The following SOX6 variants were observed in gnomAD, a reference collection of about 807,000 sequenced individuals.
SOX6 encodes the protein SRY-box transcription factor 6.
In SOX6, 11 loss-of-function variants were observed where a neutral mutation model predicts 97.8. The ratio of observed to expected loss-of-function variants is 0.11; its 90% CI spans 0.07 to 0.19. SOX6 has a LOEUF of 0.19. Ranked by LOEUF, SOX6 falls within the 10% of genes least tolerant of loss-of-function variation. SOX6 has a pLI of 1.00. For synonymous variants in SOX6, 360 were observed against 371.4 expected (o/e 0.97, Z 0.35); for missense variants, 810 against 1,039.5 (o/e 0.78, Z 3.04).
At chr11:16,530,834 G>A (rs1049365728) in intron 4 of SOX6, among the ~76,000 whole-genome samples, 4 of 151,328 alleles carry the variant, frequency 2.6e-5, no homozygotes, top group African/African-American at 7.3e-5. Context: ...ATCACAACAC[G>A]GATAGCCTGA....
chr11:16,407,596 G>A (rs1373195945), intron 1 of SOX6, among the ~76,000 whole-genome samples: 1 of 151,978 alleles, frequency 6.6e-6, no homozygotes, highest in Non-Finnish European at 1.5e-5. Context: ...GTGATTACCG[G>A]GCAGAATTCC....
intron 3 of SOX6, among the ~76,000 whole-genome samples, chr11:16,673,204 G>C (rs1564865486): frequency 6.6e-6 from 1 of 151,990 alleles, no homozygotes; most frequent in African/African-American, 2.4e-5. Flanking sequence ...GTGTCTTAAA[G>C]AATTAGAAAA....
intron 4 of SOX6, among the ~76,000 whole-genome samples, chr11:16,191,364 G>C (rs1851626297): frequency 6.6e-6 from 1 of 152,130 alleles, no homozygotes; most frequent in African/African-American, 2.4e-5. Flanking sequence ...AGAAGGCTGA[G>C]GCAGGAGCAT....
intron 3 of SOX6, among the ~76,000 whole-genome samples, chr11:16,637,581 G>T (rs67078773): frequency 0.16 from 24,614 of 152,106 alleles, 2,108 homozygotes; most frequent in Non-Finnish European, 0.18. Context: ...GCTTTAGTTA[G>T]ATCCCAAAAA....
chr11:15,979,039 T>TATATATAAAA (rs1853585683), intron 15 of SOX6, among the ~76,000 whole-genome samples: 1 of 64,014 alleles, frequency 1.6e-5, no homozygotes, highest in Non-Finnish European at 3.2e-5. Context: ...TATATATATT[T>TATATATAAAA]TACATATATA....
At chr11:16,230,201 A>G (rs1852806974) in intron 4 of SOX6, among the ~76,000 whole-genome samples, 1 of 151,852 alleles carries the variant, frequency 6.6e-6, no homozygotes, top group Non-Finnish European at 1.5e-5. Flanking sequence ...AGTCAATAGA[A>G]TATTTAATAT....
At chr11:15,980,770 G>A (rs1423304223) in intron 15 of SOX6, among the ~76,000 whole-genome samples, 2 of 151,932 alleles carry the variant, frequency 1.3e-5, no homozygotes, top group Non-Finnish European at 1.5e-5. Flanking sequence ...TGGCCATAAT[G>A]CATAATAATC....
intron 1 of SOX6, among the ~76,000 whole-genome samples, chr11:16,473,041 A>G (rs919914661): frequency 5.3e-5 from 8 of 152,198 alleles, no homozygotes; most frequent in Non-Finnish European, 1.2e-4. Context: ...TAGCACTTCT[A>G]TATAATATAT....
intron 6 of SOX6, among the ~76,000 whole-genome samples, chr11:16,148,321 T>G (rs941451084): frequency 1.3e-4 from 20 of 152,152 alleles, no homozygotes; most frequent in Admixed American, 5.2e-4. Context: ...AGCTGTTGTC[T>G]TCACAATTGC....
At chr11:16,651,837 A>G (rs3921675) in intron 3 of SOX6, among the ~76,000 whole-genome samples, 29,374 of 152,058 alleles carry the variant, frequency 0.19, 3,009 homozygotes, top group African/African-American at 0.24. Flanking sequence ...TCACACTGTC[A>G]CTGTTCACAG....
intron 4 of SOX6, among the ~76,000 whole-genome samples, chr11:16,489,497 T>C (rs548037407): frequency 6.6e-6 from 1 of 152,276 alleles, no homozygotes; most frequent in East Asian, 1.9e-4. Flanking sequence ...ATGTATCTAC[T>C]GTATTATATA....
chr11:16,563,190 A>G (rs375072799), intron 4 of SOX6, among the ~76,000 whole-genome samples: 1 of 152,196 alleles, frequency 6.6e-6, no homozygotes, highest in Non-Finnish European at 1.5e-5. Flanking sequence ...CAAATGAAGG[A>G]AATAGCCTCA....
At chr11:16,432,356 T>A (rs1859287180) in intron 1 of SOX6, among the ~76,000 whole-genome samples, 1 of 152,122 alleles carries the variant, frequency 6.6e-6, no homozygotes, top group South Asian at 2.1e-4. Context: ...CAGTCAAAAG[T>A]GTAACTATCT....
In SOX6 at chr11:16,675,114, A is replaced by T. The variant is rs148813461; in HGVS notation, n.429+39716T>A. Among the ~76,000 whole-genome samples, 50 of 152,370 alleles carry T rather than the reference A, an allele frequency of 3.3e-4. No homozygotes were observed. In the East Asian group the frequency reaches 9.2e-3, roughly 28 times the overall value. ...GATACAAAATCAACATACAAAAATCAGTAGCATTTCTATATGCCAACAGTG... is the reference window on the plus strand; with the variant it reads ...GATACAAAATCAACATACAAAAATCTGTAGCATTTCTATATGCCAACAGTG... On this transcript the variant is annotated intron_variant and non_coding_transcript_variant, in intron 3 of 5. Transcript: ENST00000524520.
rs908554674 is a variant in SOX6 at position 16,605,044 on chromosome 11, G to A, written n.609+7037C>T. On this transcript the variant is annotated intron_variant and non_coding_transcript_variant, in intron 4 of 5. Transcript: ENST00000524520. This position sits in a 1 kb window ranked among gnomAD's most constrained non-coding sequence, Gnocchi z 5.3. ...CTTCTCTGCCCGGCCCTTTAAGGGAGAAGGAAGAAAGCAGCTCCCGCGGGA... is the reference window on the plus strand; with the variant it reads ...CTTCTCTGCCCGGCCCTTTAAGGGAAAAGGAAGAAAGCAGCTCCCGCGGGA... Among the ~76,000 whole-genome samples the A allele has an allele frequency of 6.6e-6, 1 of 152,068 alleles. No individual in the cohort carries two copies. The highest frequency in any genetic ancestry group is 2.4e-5 in the African/African-American group (1 of 41,438).
intron 12 of SOX6, among the ~76,000 whole-genome samples, chr11:16,026,832 T>C (rs1271499886): frequency 6.6e-6 from 1 of 151,412 alleles, no homozygotes; most frequent in Non-Finnish European, 1.5e-5. Context: ...TCATACAAAC[T>C]AAAAAAAAAT....
At chr11:16,480,264 T>A (rs1469676492), upstream of SOX6, among the ~76,000 whole-genome samples, 2 of 152,174 alleles carry the variant, frequency 1.3e-5, no homozygotes, top group Admixed American at 1.3e-4. Flanking sequence ...TTTTTATACT[T>A]AGCATGTCTA....
At chr11:16,635,839 C>T (rs1848778627) in intron 3 of SOX6, among the ~76,000 whole-genome samples, 1 of 152,198 alleles carries the variant, frequency 6.6e-6, no homozygotes, top group Non-Finnish European at 1.5e-5. Flanking sequence ...CATGCAAGCC[C>T]CAAGCCTTGG....
intron 3 of SOX6, among the ~76,000 whole-genome samples, chr11:16,666,431 G>A (rs936374891): frequency 6.6e-6 from 1 of 152,170 alleles, no homozygotes; most frequent in African/African-American, 2.4e-5. Flanking sequence ...ATGACATACT[G>A]AATAATGCAT....
Sources: gnomAD v4.1 joint callset for allele counts (sites outside exome capture counted in the v4.1 genomes callset) on GRCh38, gnomAD v4.1.1 for gene constraint, Gnocchi (gnomAD v3.1) non-coding constraint, MANE v1.5 for transcripts, NCBI Gene and HGNC (gene_info 2026-07-23, HGNC 2026-07-21) for gene names.